RXFP1: variants seen among roughly 807,000 people sequenced by gnomAD.
RXFP1 encodes relaxin family peptide receptor 1.
RXFP1 carries 73 observed loss-of-function variants against 89.8 expected under a neutral mutation model. The observed-to-expected ratio is 0.81, with a 90% confidence interval of 0.67 to 0.99. The LOEUF (loss-of-function observed/expected upper bound fraction) is 0.99. Among genes scored for constraint, RXFP1 ranks in the 50% least tolerant of loss-of-function variants. The pLI is 0.00. For synonymous variants in RXFP1, 277 were observed against 305.5 expected (o/e 0.91, Z 0.97); for missense variants, 793 against 895.5 (o/e 0.89, Z 1.46).
chr4:158,523,721 T>C (rs1404785933), intron 1 of RXFP1, among the ~76,000 whole-genome samples: 1 of 152,188 alleles, frequency 6.6e-6, no homozygotes, highest in Non-Finnish European at 1.5e-5. Context: ...GGAACACTTG[T>C]CAGGGACGCC....
intron 3 of RXFP1, among the ~76,000 whole-genome samples, chr4:158,595,915 G>A (rs934682489): frequency 6.6e-6 from 1 of 151,748 alleles, no homozygotes; most frequent in African/African-American, 2.4e-5. Flanking sequence ...GCGAGGCTGA[G>A]GTAGGAAGAT....
At chr4:158,644,073 C>G (rs1189674329) in intron 14 of RXFP1, among the ~76,000 whole-genome samples, 1 of 137,768 alleles carries the variant, frequency 7.3e-6, no homozygotes, top group Non-Finnish European at 1.5e-5. Context: ...GAGACAGAGT[C>G]TCGCTCTGTC....
chr4:158,547,763 A>G (rs1487677255), intron 1 of RXFP1, among the ~76,000 whole-genome samples: 1 of 152,050 alleles, frequency 6.6e-6, no homozygotes, highest in Non-Finnish European at 1.5e-5. Flanking sequence ...AGCAGTTTTG[A>G]GTGAGTTTCT....
At chr4:158,567,913 C>G (rs572731530) in intron 1 of RXFP1, among the ~76,000 whole-genome samples, 15 of 152,284 alleles carry the variant, frequency 9.9e-5, no homozygotes, top group Admixed American at 3.3e-4. Flanking sequence ...CTTGTGGTGG[C>G]TTTGTTCTTT....
intron 12 of RXFP1, among the ~76,000 whole-genome samples, chr4:158,637,414 T>C (rs1769408623): frequency 6.6e-6 from 1 of 152,194 alleles, no homozygotes; most frequent in Non-Finnish European, 1.5e-5. Context: ...TTATCTTTCA[T>C]CTTTTTGATA....
rs1766948632 is a variant in RXFP1, at chr4:158,626,848, T to G, written c.784T>G (p.Leu262Val). ...LDLEGNHIHN[L>V]RNLTFISCSN... ...CCTTGAAGGCAACCATATCCATAAT[T>G]TAAGAAATTTGACTTTTATTTCCTG... Residue 262 changes from leucine to valine, a missense_variant, in exon 10 of 18, where the codon TTA becomes GTA. By Grantham distance (32) the Leu-to-Val change is conservative. Coordinates refer to ENST00000307765, the MANE Select transcript of RXFP1 (RefSeq NM_021634.4). The G allele has an allele frequency of 6.4e-7, 1 of 1,566,330 alleles. No homozygotes were observed.
rs190940799 is a variant in RXFP1, at chr4:158,522,509, G to C, written c.49+484G>C. Among the ~76,000 whole-genome samples, 315 of 152,192 alleles carry C rather than the reference G, an allele frequency of 2.1e-3. 3 individuals are homozygous for C. The highest frequency in any genetic ancestry group is 3.4e-3 in the Middle Eastern group (1 of 294). On this transcript the variant is annotated intron_variant, in intron 1 of 17. Transcript: ENST00000307765. ...TTTTTATTTAGCAAGGTTTATCACT[G>C]TTCCTTGAAAGAAAAACAAGGGAAA...
intron 15 of RXFP1, 134 bp from the exon 16 acceptor site, chr4:158,646,657 G>A (rs1212034226): frequency 6.9e-7 from 1 of 1,443,426 alleles, no homozygotes; most frequent in African/African-American, 1.4e-5. Flanking sequence ...GAATTATTAG[G>A]AGAATAAAAA....
At chr4:158,631,818 C>T (rs371956166) in intron 11 of RXFP1, among the ~76,000 whole-genome samples, 1 of 152,138 alleles carries the variant, frequency 6.6e-6, no homozygotes, top group Non-Finnish European at 1.5e-5. Flanking sequence ...TATGGCCAGG[C>T]GCAGTGGCTC....
intron 2 of RXFP1, among the ~76,000 whole-genome samples, chr4:158,581,036 C>A (rs537485105): frequency 6.6e-6 from 1 of 152,294 alleles, no homozygotes; most frequent in Non-Finnish European, 1.5e-5. Flanking sequence ...GTGATCTACC[C>A]ACCTTGGCCT....
intron 1 of RXFP1, among the ~76,000 whole-genome samples, chr4:158,556,498 T>C (rs371973158): frequency 6.6e-6 from 1 of 152,138 alleles, no homozygotes; most frequent in Admixed American, 6.5e-5. Flanking sequence ...TATGGAAAAC[T>C]ATGGAGATTC....
intron 2 of RXFP1, among the ~76,000 whole-genome samples, chr4:158,573,744 C>T (rs1755639815): frequency 6.6e-6 from 1 of 152,156 alleles, no homozygotes; most frequent in Non-Finnish European, 1.5e-5. Context: ...AGCTTGAGAA[C>T]ATTTCCTAGC....
chr4:158,599,052 A>G (rs925179111), intron 3 of RXFP1, among the ~76,000 whole-genome samples: 2 of 150,772 alleles, frequency 1.3e-5, no homozygotes, highest in East Asian at 2.0e-4. Context: ...TATTTCATTC[A>G]TTTTGCAATG....
intron 15 of RXFP1, 52 bp from the exon 16 acceptor site, chr4:158,646,739 T>C: frequency 6.7e-7 from 1 of 1,498,638 alleles, no homozygotes; most frequent in Non-Finnish European, 8.9e-7. Context: ...TTATTGATGA[T>C]TTTATGATAC....
intron 2 of RXFP1, among the ~76,000 whole-genome samples, chr4:158,574,198 G>A (rs576165450): frequency 2.6e-4 from 40 of 152,274 alleles, no homozygotes; most frequent in African/African-American, 9.1e-4. Context: ...AAGAAATAAG[G>A]TACTATTTTG....
intron 8 of RXFP1, among the ~76,000 whole-genome samples, chr4:158,614,985 A>G (rs766944424): frequency 2.0e-5 from 3 of 152,172 alleles, no homozygotes; most frequent in Non-Finnish European, 4.4e-5. Context: ...ACCATGCTGT[A>G]AACAGATGTG....
At chr4:158,586,309 A>T (rs886460431) in intron 2 of RXFP1, among the ~76,000 whole-genome samples, 1 of 152,246 alleles carries the variant, frequency 6.6e-6, no homozygotes, top group Non-Finnish European at 1.5e-5. Flanking sequence ...TTCTTAATCT[A>T]TGTTTTTAGA....
intron 12 of RXFP1, among the ~76,000 whole-genome samples, chr4:158,637,123 ATT>A (rs1300806916): frequency 6.6e-6 from 1 of 152,130 alleles, no homozygotes; most frequent in Non-Finnish European, 1.5e-5. Context: ...ATGTATACAT[ATT>A]TTTTTATCAA....
chr4:158,598,202 G>T (rs533188955), intron 3 of RXFP1, among the ~76,000 whole-genome samples: 177 of 152,230 alleles, frequency 1.2e-3, no homozygotes, highest in Admixed American at 3.4e-3. Flanking sequence ...GGTTTTGTTT[G>T]TCCAATAATA....
Sources: gnomAD v4.1 joint callset for allele counts (sites outside exome capture counted in the v4.1 genomes callset) on GRCh38, gnomAD v4.1.1 for gene constraint, MANE v1.5 for transcripts, NCBI Gene and HGNC (gene_info 2026-07-23, HGNC 2026-07-21) for gene names.